The following FLOT1 variants were observed in gnomAD, a reference collection of about 807,000 sequenced individuals.
The protein encoded by FLOT1 is flotillin-1.
A neutral mutation model predicts 58.4 loss-of-function variants in FLOT1; 40 were observed. That is an observed-to-expected ratio of 0.69 (90% CI 0.53 to 0.89). The LOEUF (loss-of-function observed/expected upper bound fraction) is 0.89. Ranked by LOEUF, FLOT1 falls within the 40% of genes least tolerant of loss-of-function variation. The pLI is 0.00. For synonymous variants in FLOT1, 178 were observed against 204.2 expected (o/e 0.87, Z 1.09); for missense variants, 423 against 540.8 (o/e 0.78, Z 2.16).
chr6:30,737,211 TCC>T lies in FLOT1; in HGVS notation c.723+2945_723+2946del, dbSNP rs1777635321. On this transcript the variant is annotated intron_variant, in intron 8 of 12. Coordinates refer to ENST00000376389, the MANE Select transcript of FLOT1 (RefSeq NM_005803.4). This position sits in a 1 kb window ranked among gnomAD's most constrained non-coding sequence, Gnocchi z 4.4. Reference sequence around the variant, plus strand: ...TGACTGACTGACTGACTGTCTGTCGTCCGTCCGTCCGTCCGTCCGTCCGTCCG... The same window carrying T: ...TGACTGACTGACTGACTGTCTGTCGTGTCCGTCCGTCCGTCCGTCCGTCCG... Among the ~76,000 whole-genome samples, 25 of 76,174 alleles carry T rather than the reference TCC, an allele frequency of 3.3e-4. No individual in the cohort carries two copies. The highest frequency in any genetic ancestry group is 7.8e-4 in the African/African-American group (17 of 21,742). 50.0% of individuals were successfully genotyped at this position (76,174 alleles called of 152,430 possible). A position where few individuals can be genotyped will look rare whatever the true frequency, so the allele number is the denominator to read the frequency against.
chr6:30,739,617 C>T (rs111303826), intron 8 of FLOT1, among the ~76,000 whole-genome samples: 11 of 152,200 alleles, frequency 7.2e-5, no homozygotes, highest in African/African-American at 1.9e-4. Context: ...ATCCACCTGC[C>T]TTGGCCTACC....
At position 30,741,907 on chromosome 6, in the gene FLOT1, G is replaced by A; in HGVS notation, c.44-40C>T. 6.3e-7 allele frequency: 1 copy of A among 1,578,370 alleles called. No homozygotes were observed. Among genetic ancestry groups the A allele is most frequent in the Non-Finnish European group, 8.7e-7 (1 of 1,150,476 alleles). On this transcript the variant is annotated intron_variant, in intron 2 of 12. Coordinates refer to ENST00000376389, the MANE Select transcript of FLOT1 (RefSeq NM_005803.4). The surrounding 1 kb of genome is among the most constrained non-coding windows in gnomAD (Gnocchi z 5.9). ...GCAGTGAGGAACGGTGGCAGAGCTT[G>A]AATGTGGAAGACTGAGGAACTGGCG... is the stretch of plus-strand genomic sequence containing the variant.
Position 30,742,291 on chromosome 6 carries a change from C to T in FLOT1, c.-14-88G>A, listed in dbSNP as rs930980864. 1 of 1,146,422 alleles carries T rather than the reference C, an allele frequency of 8.7e-7. No homozygotes were observed. The highest frequency in any genetic ancestry group is 1.3e-6 in the Non-Finnish European group (1 of 758,006). 71.0% of individuals were successfully genotyped at this position (1,146,422 alleles called of 1,614,324 possible). On this transcript the variant is annotated intron_variant, in intron 1 of 12. Coordinates refer to ENST00000376389, the MANE Select transcript of FLOT1 (RefSeq NM_005803.4). The surrounding 1 kb of genome is among the most constrained non-coding windows in gnomAD (Gnocchi z 5.2). ...CCCATCCTTTCCCTTTCCCGTCAGG[C>T]CCTCCCAGTCTGCATCCGCCACGGC...
rs1465716547 is a variant in FLOT1, at chr6:30,730,136, C to T, written c.1140G>A (p.Leu380=). The T allele has an allele frequency of 2.5e-6, 4 of 1,612,924 alleles. No homozygotes were observed. The highest frequency in any genetic ancestry group is 2.7e-5 in the African/African-American group (2 of 74,906). ...GPLTSANKIT[L]VSSGSGTMGA... ...CCATGGTCCCACTGCCGCTGGACAC[C>T]AGTGTGATCTTATTGGCTGAAGTCA... The change falls in exon 12 of 13, where the codon CTG becomes CTA. Residue 380 remains leucine (L), a synonymous_variant. Coordinates refer to ENST00000376389, the MANE Select transcript of FLOT1 (RefSeq NM_005803.4).
At chr6:30,734,754 C>T (rs116096485) in intron 8 of FLOT1, among the ~76,000 whole-genome samples, 2,932 of 152,132 alleles carry the variant, frequency 0.019, 42 homozygotes, top group South Asian at 0.063. Flanking sequence ...ATGGCTTGCT[C>T]TGTTGCCCAG....
At chr6:30,739,261 C>T (rs1777790194) in intron 8 of FLOT1, among the ~76,000 whole-genome samples, 4 of 152,186 alleles carry the variant, frequency 2.6e-5, no homozygotes, top group Admixed American at 2.0e-4. Context: ...GGGCATGGGC[C>T]GGATCTGAGC....
Position 30,742,006 on chromosome 6 carries a change from G to T in FLOT1, c.44-139C>A. The stretch of plus-strand genomic sequence containing the variant: ...GAAGCAGTCTGGGCCTTGGAATGGT[G>T]GGAATCAAACTGGGCAGTTCGTGGC... On this transcript the variant is annotated intron_variant, in intron 2 of 12. Transcript: ENST00000376389. The surrounding 1 kb of genome is among the most constrained non-coding windows in gnomAD (Gnocchi z 5.2). 8.4e-7 allele frequency: 1 copy of T among 1,183,606 alleles called. No homozygotes were observed. Among genetic ancestry groups the T allele is most frequent in the Non-Finnish European group, 1.2e-6 (1 of 806,884 alleles). 73.3% of individuals were successfully genotyped at this position (1,183,606 alleles called of 1,614,324 possible).
chr6:30,736,382 CAATT>C (rs973486754), intron 8 of FLOT1: 7 of 150,608 alleles, frequency 4.6e-5, no homozygotes, highest in Non-Finnish European at 7.4e-5. Flanking sequence ...ACTGAACAAT[CAATT>C]GAGATAACTC....
At chr6:30,732,940 T>C (rs1202461946) in intron 8 of FLOT1, among the ~76,000 whole-genome samples, 1 of 152,218 alleles carries the variant, frequency 6.6e-6, no homozygotes, top group Non-Finnish European at 1.5e-5. Flanking sequence ...CCTTCCTGTC[T>C]ATGCCCACCT....
rs1188714807 is a variant in FLOT1 at position 30,737,215 on chromosome 6, TCCGTCCGTC to T, written c.723+2934_723+2942del. ...TGACTGACTGACTGTCTGTCGTCCG[TCCGTCCGTC>T]CGTCCGTCCGTCCGTCCGTCCGTCC... is the stretch of plus-strand genomic sequence containing the variant. On this transcript the variant is annotated intron_variant, in intron 8 of 12. Transcript: ENST00000376389. The surrounding 1 kb of genome is among the most constrained non-coding windows in gnomAD (Gnocchi z 4.4). Among the ~76,000 whole-genome samples, 2 of 75,972 alleles carry T rather than the reference TCCGTCCGTC, an allele frequency of 2.6e-5. No individual in the cohort carries two copies. The highest frequency in any genetic ancestry group is 9.6e-5 in the African/African-American group (2 of 20,826). The allele number at this position is 75,972 out of a possible 152,430, so 49.8% of individuals were successfully genotyped here. A position where few individuals can be genotyped will look rare whatever the true frequency, so the allele number is the denominator to read the frequency against.
chr6:30,730,693 C>T lies in FLOT1; in HGVS notation c.940G>A (p.Ala314Thr). Residue 314 changes from alanine (A) to threonine (T), a missense_variant, in exon 10 of 13, where the codon GCG (alanine) becomes ACG (threonine). This residue lies in a region of FLOT1 where 106 missense variants were observed against 88.4 expected (regional missense o/e 1.20). Coordinates refer to ENST00000376389, the MANE Select transcript of FLOT1 (RefSeq NM_005803.4). ...GCCTCTTAACTCACCCGCACAGACG[C>T]GGCTTCTGCCTCCGCCTGCATAATT... is the stretch of plus-strand genomic sequence containing the variant. ...QLIMQAEAEA[A>T]SVRMRGEAEA... 1.2e-6 allele frequency: 2 copies of T among 1,613,534 alleles called. No homozygotes were observed. The highest frequency in any genetic ancestry group is 3.3e-5 in the Admixed American group (2 of 60,028).
At chr6:30,733,447 A>C (rs1443560860) in intron 8 of FLOT1, among the ~76,000 whole-genome samples, 1 of 152,116 alleles carries the variant, frequency 6.6e-6, no homozygotes, top group Non-Finnish European at 1.5e-5. Flanking sequence ...CTTTTTAAGA[A>C]ATCTGGGCTT....
intron 8 of FLOT1, among the ~76,000 whole-genome samples, chr6:30,739,712 G>C (rs535130294): frequency 6.6e-6 from 1 of 151,204 alleles, no homozygotes; most frequent in Admixed American, 6.6e-5. Flanking sequence ...CACCCAGGCT[G>C]GAGTGCAGTA....
Position 30,742,075 on chromosome 6 carries a change from G to A in FLOT1, c.43+72C>T. On this transcript the variant is annotated intron_variant, in intron 2 of 12. Transcript: ENST00000376389. The surrounding 1 kb of genome is among the most constrained non-coding windows in gnomAD (Gnocchi z 5.2). ...TGGTGCTGGGAAGTTGGTAGGGAGA[G>A]GGAGAAGGGGCAGAGGCCAGACTCA... 6.7e-7 allele frequency: 1 copy of A among 1,494,932 alleles called. No individual in the cohort carries two copies. 92.6% of individuals were successfully genotyped at this position (1,494,932 alleles called of 1,614,324 possible).
At position 30,740,604 on chromosome 6, in the gene FLOT1, T is replaced by G. The variant is rs1324769037; in HGVS notation, c.475-13A>C. 1 of 1,612,868 alleles carries G rather than the reference T, an allele frequency of 6.2e-7. No homozygotes were observed. Among genetic ancestry groups the G allele is most frequent in the African/African-American group, 1.3e-5 (1 of 74,900 alleles). ...AGTGCAAATAGTCCTGTGGGAGAGA[T>G]GTAGAAATTAGTCCTTTGGAGGGCT... On this transcript the variant is annotated splice_polypyrimidine_tract_variant and intron_variant, in intron 6 of 12. Transcript: ENST00000376389.
At chr6:30,730,315 AC>A in intron 11 of FLOT1, 112 bp downstream of exon 11, 1 of 1,486,536 alleles carries the variant, frequency 6.7e-7, no homozygotes, top group Non-Finnish European at 9.2e-7. Flanking sequence ...AATAATTCCC[AC>A]CCCTAATTTA....
At chr6:30,735,128 C>G (rs1198911919) in intron 8 of FLOT1, among the ~76,000 whole-genome samples, 1 of 151,870 alleles carries the variant, frequency 6.6e-6, no homozygotes. Context: ...GTCTTCTGAT[C>G]TCTTTTTTGG....
Position 30,742,595 on chromosome 6 carries a change from C to A in FLOT1, c.-83G>T. Reference sequence around the variant, plus strand: ...GCGGGGTCGCGCAGGGACCTGGGAGCCGGGCAGGGGCCGCTCGCAGACCAG... The same window carrying A: ...GCGGGGTCGCGCAGGGACCTGGGAGACGGGCAGGGGCCGCTCGCAGACCAG... On this transcript the variant is annotated 5_prime_UTR_variant, in exon 1 of 13. Transcript: ENST00000376389. This position sits in a 1 kb window ranked among gnomAD's most constrained non-coding sequence, Gnocchi z 5.2. The A allele has an allele frequency of 4.3e-6, 1 of 231,836 alleles. No individual in the cohort carries two copies. Among genetic ancestry groups the A allele is most frequent in the Non-Finnish European group, 8.6e-6 (1 of 116,248 alleles). The allele number at this position is 231,836 out of a possible 1,614,324, so 14.4% of individuals were successfully genotyped here. A position where few individuals can be genotyped will look rare whatever the true frequency, so the allele number is the denominator to read the frequency against.
At chr6:30,740,072 A>C in intron 8 of FLOT1, 86 bp downstream of exon 8, 1 of 1,310,186 alleles carries the variant, frequency 7.6e-7, no homozygotes, top group Non-Finnish European at 1.1e-6. Flanking sequence ...AAGTTAAAGT[A>C]TGAGAAATAG....
Sources: allele counts gnomAD v4.1 joint callset (sites outside exome capture counted in the v4.1 genomes callset), GRCh38; gene constraint gnomAD v4.1.1; regional missense constraint gnomAD v4.1.1; non-coding constraint Gnocchi (gnomAD v3.1); transcripts MANE v1.5; gene names NCBI Gene and HGNC (gene_info 2026-07-23, HGNC 2026-07-21).